MPPED1: variants seen among roughly 807,000 people sequenced by gnomAD.
The protein encoded by MPPED1 is metallophosphoesterase domain containing 1.
MPPED1 carries 16 observed loss-of-function variants against 36.2 expected under a neutral mutation model. The observed-to-expected ratio is 0.44, with a 90% confidence interval of 0.30 to 0.67. The LOEUF is 0.67. Among genes scored for constraint, MPPED1 ranks in the 30% least tolerant of loss-of-function variants. The pLI, the probability that MPPED1 is intolerant of heterozygous loss-of-function variation, is 0.10. For synonymous variants in MPPED1, 199 were observed against 191.3 expected (o/e 1.04, Z -0.33); for missense variants, 307 against 453.4 (o/e 0.68, Z 2.93).
intron 3 of MPPED1, among the ~76,000 whole-genome samples, chr22:43,459,082 A>C (rs8140406): frequency 0.11 from 16,074 of 150,860 alleles, 1,219 homozygotes; most frequent in African/African-American, 0.21. Context: ...TTCTTTTTTT[A>C]TTTTGTTTTT....
chr22:43,496,437 TGGTGGTG>T (rs1932364895), intron 4 of MPPED1, among the ~76,000 whole-genome samples: 1 of 92,330 alleles, frequency 1.1e-5, no homozygotes. Flanking sequence ...GTGGAGGTGG[TGGTGGTG>T]GAGGTAGTGG....
At chr22:43,466,414 C>T (rs1931173700) in intron 3 of MPPED1, among the ~76,000 whole-genome samples, 1 of 152,192 alleles carries the variant, frequency 6.6e-6, no homozygotes, top group African/African-American at 2.4e-5. Flanking sequence ...TGTAGAGCCT[C>T]AGTTCTCATC....
At chr22:43,440,279 T>G (rs28673361) in intron 3 of MPPED1, among the ~76,000 whole-genome samples, 64,244 of 152,138 alleles carry the variant, frequency 0.42, 15,219 homozygotes, top group Non-Finnish European at 0.54. Flanking sequence ...CACACACGAC[T>G]TGGGAAGTGA....
intron 4 of MPPED1, among the ~76,000 whole-genome samples, chr22:43,482,657 G>A (rs1399423153): frequency 6.6e-6 from 1 of 152,218 alleles, no homozygotes; most frequent in Non-Finnish European, 1.5e-5. Flanking sequence ...TGTGCACACT[G>A]CTTGGCACAT....
chr22:43,463,815 C>CTTTCTTTTTTTT (rs1377538955), intron 3 of MPPED1, among the ~76,000 whole-genome samples: 3,259 of 47,928 alleles, frequency 0.068, 197 homozygotes, highest in East Asian at 0.14. Context: ...TCTTTTCTTT[C>CTTTCTTTTTTTT]TTTCTTTCTT....
At chr22:43,490,875 G>A (rs567357747) in intron 4 of MPPED1, among the ~76,000 whole-genome samples, 99 of 152,266 alleles carry the variant, frequency 6.5e-4, no homozygotes, top group East Asian at 2.1e-3. Flanking sequence ...GTCTGGGACC[G>A]CGGCATCAGA....
intron 3 of MPPED1, among the ~76,000 whole-genome samples, chr22:43,466,912 T>C (rs1227064230): frequency 6.6e-6 from 1 of 152,162 alleles, no homozygotes; most frequent in Non-Finnish European, 1.5e-5. Context: ...CCAGGCATGG[T>C]GGAGCGTGGC....
chr22:43,450,290 G>A (rs1930518072), intron 3 of MPPED1, among the ~76,000 whole-genome samples: 1 of 152,228 alleles, frequency 6.6e-6, no homozygotes, highest in African/African-American at 2.4e-5. Context: ...TCCCGGTCCT[G>A]CCTGGCCACA....
At chr22:43,424,101 C>T (rs908830477) in intron 1 of MPPED1, among the ~76,000 whole-genome samples, 10 of 152,164 alleles carry the variant, frequency 6.6e-5, no homozygotes, top group Non-Finnish European at 4.4e-5. Context: ...ATGCAAACTG[C>T]ACTTCCCCGT....
chr22:43,504,092 A>T (rs1932771291), intron 6 of MPPED1, among the ~76,000 whole-genome samples: 1 of 152,062 alleles, frequency 6.6e-6, no homozygotes, highest in Non-Finnish European at 1.5e-5. Flanking sequence ...AATGATGATG[A>T]TGGCCATGTT....
rs555018485 is a variant in MPPED1 at position 43,473,199 on chromosome 22, G to T, written c.407-1537G>T. 9.5e-3 allele frequency among the ~76,000 whole-genome samples: 1,450 copies of T among 152,362 alleles called. 25 individuals are homozygous for T. Among genetic ancestry groups the T allele is most frequent in the African/African-American group, 0.034 (1,395 of 41,574 alleles). Reference sequence around the variant, plus strand: ...CCTGGGCTGCTGTGTTGTCCCAGGGGACAGACCACGGTGCCCGTGCTGCTG... The same window carrying T: ...CCTGGGCTGCTGTGTTGTCCCAGGGTACAGACCACGGTGCCCGTGCTGCTG... On this transcript the variant is annotated intron_variant, in intron 3 of 6. Coordinates refer to ENST00000443721, the MANE Select transcript of MPPED1 (RefSeq NM_001044370.2).
chr22:43,439,641 G>A (rs1261950122), intron 3 of MPPED1, among the ~76,000 whole-genome samples: 1 of 152,214 alleles, frequency 6.6e-6, no homozygotes, highest in Non-Finnish European at 1.5e-5. Context: ...TGTGGGGAAG[G>A]GTTGATGAAT....
chr22:43,446,881 C>T (rs1025770646), intron 3 of MPPED1, among the ~76,000 whole-genome samples: 3 of 152,210 alleles, frequency 2.0e-5, no homozygotes, highest in African/African-American at 4.8e-5. Flanking sequence ...GGCAGCAAAT[C>T]AAGCAAGACT....
At chr22:43,488,788 G>T (rs188471686) in intron 4 of MPPED1, among the ~76,000 whole-genome samples, 1 of 152,326 alleles carries the variant, frequency 6.6e-6, no homozygotes, top group African/African-American at 2.4e-5. Flanking sequence ...AGAAATTCAG[G>T]ACATAAAGCC....
chr22:43,491,523 GTGGTAGTGA>G (rs1569087102), intron 4 of MPPED1, among the ~76,000 whole-genome samples: 3 of 151,538 alleles, frequency 2.0e-5, no homozygotes, highest in South Asian at 4.2e-4. Context: ...TATGGAGGTG[GTGGTAGTGA>G]TGGTAGTGAT....
intron 3 of MPPED1, 76 bp downstream of exon 3, chr22:43,435,291 C>T: frequency 6.8e-7 from 1 of 1,469,562 alleles, no homozygotes; most frequent in Non-Finnish European, 9.1e-7. Context: ...AGGCTGCCTG[C>T]CTGCCTTTCC....
intron 2 of MPPED1, among the ~76,000 whole-genome samples, chr22:43,426,727 A>G (rs960523781): frequency 3.3e-5 from 5 of 152,062 alleles, no homozygotes; most frequent in Non-Finnish European, 2.9e-5. Flanking sequence ...CCAGGCGGGG[A>G]TCGCCCTCTT....
chr22:43,490,357 C>T (rs1413221700), intron 4 of MPPED1, among the ~76,000 whole-genome samples: 1 of 152,198 alleles, frequency 6.6e-6, no homozygotes, highest in East Asian at 1.9e-4. Flanking sequence ...CTGTGTGACC[C>T]TGGGAAGTGG....
chr22:43,495,644 ATGGTGGAGGTAGTGGTGGTGGAGG>A, intron 4 of MPPED1, among the ~76,000 whole-genome samples: 1 of 7,436 alleles, frequency 1.3e-4, no homozygotes, highest in Non-Finnish European at 2.5e-4. Flanking sequence ...GGTGGAGGTG[ATGGTGGAGGTAGTGGTGGTGGAGG>A]TGGTGGTGGT....
Sources: gnomAD v4.1 joint callset for allele counts (sites outside exome capture counted in the v4.1 genomes callset) on GRCh38, gnomAD v4.1.1 for gene constraint, MANE v1.5 for transcripts, NCBI Gene and HGNC (gene_info 2026-07-23, HGNC 2026-07-21) for gene names.